The following MAP3K20 variants were observed in gnomAD, a reference collection of about 807,000 sequenced individuals.
The protein encoded by MAP3K20 is mitogen-activated protein kinase kinase kinase 20, also known as HCCS-4.
A neutral mutation model predicts 85.7 loss-of-function variants in MAP3K20; 40 were observed. The observed-to-expected ratio is 0.47, with a 90% CI of 0.36 to 0.61. The LOEUF (loss-of-function observed/expected upper bound fraction) is 0.61. Ranked by LOEUF, MAP3K20 falls within the 20% of genes least tolerant of loss-of-function variation. The pLI is 0.00. For missense variants in MAP3K20, 817 were observed against 961.7 expected (o/e 0.85, Z 1.99); for synonymous variants, 325 against 327.7 (o/e 0.99, Z 0.09).
At chr2:173,221,552 A>T (rs1323522348) in intron 11 of MAP3K20, 6 of 1,486,674 alleles carry the variant, frequency 4.0e-6, no homozygotes. Flanking sequence ...AAAGTAATAA[A>T]ATCACAAATG....
At chr2:173,134,068 T>C (rs2106204152) in intron 2 of MAP3K20, among the ~76,000 whole-genome samples, 1 of 151,790 alleles carries the variant, frequency 6.6e-6, no homozygotes, top group African/African-American at 2.4e-5. Flanking sequence ...GAACCACTGA[T>C]TGACCCTAAC....
chr2:173,189,459 C>T (rs1173620656), intron 5 of MAP3K20, among the ~76,000 whole-genome samples: 1 of 152,166 alleles, frequency 6.6e-6, no homozygotes, highest in African/African-American at 2.4e-5. Flanking sequence ...GACTCATCTC[C>T]TCTTATGCTC....
rs3769170 is a variant in MAP3K20, at chr2:173,192,379, A to G, written c.582+1202A>G. On this transcript the variant is annotated intron_variant, in intron 7 of 19. Transcript: ENST00000375213. ...GTAAATCATAACACATCCTATGTAT[A>G]CCAAATTAATAAAGATTAATTTTGT... is the stretch of plus-strand genomic sequence containing the variant. Among the ~76,000 whole-genome samples, 76 of 152,322 alleles carry G rather than the reference A, an allele frequency of 5.0e-4. 1 individual carries two copies. In the East Asian group the frequency reaches 0.011, roughly 22 times the overall value.
chr2:173,185,951 T>C (rs1690472344), intron 4 of MAP3K20, among the ~76,000 whole-genome samples: 1 of 152,240 alleles, frequency 6.6e-6, no homozygotes, highest in Non-Finnish European at 1.5e-5. Flanking sequence ...AAAGTATTTT[T>C]CAGCCTTCTT....
intron 2 of MAP3K20, among the ~76,000 whole-genome samples, chr2:173,141,363 G>A (rs1286057032): frequency 6.6e-6 from 1 of 152,140 alleles, no homozygotes; most frequent in Non-Finnish European, 1.5e-5. Flanking sequence ...TGAGAGAGCA[G>A]AATCAGTAAT....
At chr2:173,110,623 A>G (rs1687943736) in intron 2 of MAP3K20, among the ~76,000 whole-genome samples, 1 of 151,612 alleles carries the variant, frequency 6.6e-6, no homozygotes, top group South Asian at 2.1e-4. Context: ...ATTCTTATGC[A>G]TTTGCGTCCT....
chr2:173,185,192 G>A (rs1289616307), intron 4 of MAP3K20, among the ~76,000 whole-genome samples: 1 of 152,156 alleles, frequency 6.6e-6, no homozygotes, highest in African/African-American at 2.4e-5. Context: ...GGTGAGCCAA[G>A]ATTGGGCCAT....
At position 173,149,732 on chromosome 2, in the gene MAP3K20, C is replaced by T. The variant is rs970344847; in HGVS notation, c.160-20073C>T. Among the ~76,000 whole-genome samples the T allele has an allele frequency of 1.1e-4, 16 of 152,074 alleles. 1 individual carries two copies. The highest frequency in any genetic ancestry group is 1.3e-4 in the Admixed American group (2 of 15,268). On this transcript the variant is annotated intron_variant, in intron 2 of 19. Transcript: ENST00000375213. Reference sequence around the variant, plus strand: ...CACTGCTTTCTGCCTACGTCATCTCCGCGCATCCTCCCCACAGCCTTTCGA... The same window carrying T: ...CACTGCTTTCTGCCTACGTCATCTCTGCGCATCCTCCCCACAGCCTTTCGA...
chr2:173,166,258 T>C lies in MAP3K20; in HGVS notation c.160-3547T>C, dbSNP rs535046033. On this transcript the variant is annotated intron_variant, in intron 2 of 19. Coordinates refer to ENST00000375213, the MANE Select transcript of MAP3K20 (RefSeq NM_016653.3). The stretch of plus-strand genomic sequence containing the variant: ...AGGCCCATTCATGATGCAGTGCATA[T>C]CCAAACTTAATTCCTATTTACAGCA... Among the ~76,000 whole-genome samples, 11 of 152,366 alleles carry C rather than the reference T, an allele frequency of 7.2e-5. 1 individual carries two copies. The South Asian group carries it at 2.3e-3, about 32-fold the overall frequency.
intron 2 of MAP3K20, among the ~76,000 whole-genome samples, chr2:173,145,041 A>G (rs557813252): frequency 3.1e-4 from 47 of 152,310 alleles, no homozygotes; most frequent in African/African-American, 9.9e-4. Context: ...TATGAAAAAA[A>G]GGGAACCTTG....
intron 1 of MAP3K20, among the ~76,000 whole-genome samples, chr2:173,083,609 C>T (rs911371114): frequency 1.3e-5 from 2 of 152,030 alleles, no homozygotes; most frequent in African/African-American, 4.8e-5. Context: ...CTTGGTGTTA[C>T]GGACAAATAC....
At chr2:173,090,835 G>T in intron 1 of MAP3K20, 163 bp from the exon 2 acceptor site, 1 of 1,285,864 alleles carries the variant, frequency 7.8e-7, no homozygotes, top group Non-Finnish European at 9.8e-7. Flanking sequence ...GCCAGGGTGA[G>T]TGTTTTCGAA....
chr2:173,105,886 C>T (rs972065756), intron 2 of MAP3K20, among the ~76,000 whole-genome samples: 12 of 152,072 alleles, frequency 7.9e-5, no homozygotes, highest in Non-Finnish European at 1.6e-4. Context: ...GAATTATGCA[C>T]TTAAAATGGT....
chr2:173,194,126 A>T (rs1200193040), intron 7 of MAP3K20, among the ~76,000 whole-genome samples: 9 of 152,204 alleles, frequency 5.9e-5, no homozygotes, highest in Non-Finnish European at 8.8e-5. Context: ...CTGCTGTGTG[A>T]GTCTTGAAGA....
At chr2:173,229,252 A>G (rs1684461815) in intron 11 of MAP3K20, among the ~76,000 whole-genome samples, 1 of 152,216 alleles carries the variant, frequency 6.6e-6, no homozygotes, top group Non-Finnish European at 1.5e-5. Context: ...AGATCTTTCA[A>G]CACTTAGAAA....
intron 10 of MAP3K20, chr2:173,210,161 G>C (rs1409147454): frequency 3.7e-6 from 1 of 268,964 alleles, no homozygotes; most frequent in Non-Finnish European, 7.3e-6. Flanking sequence ...AGACCACCTT[G>C]ACCAACATGG....
chr2:173,261,448 C>T (rs1312989680), intron 18 of MAP3K20, among the ~76,000 whole-genome samples: 1 of 152,120 alleles, frequency 6.6e-6, no homozygotes, highest in Non-Finnish European at 1.5e-5. Flanking sequence ...ATAGTTAATA[C>T]TAATTTTTTT....
Position 173,225,608 on chromosome 2 carries a change from A to AAAT in MAP3K20, c.988-4081_988-4080insAAT, listed in dbSNP as rs1553588787. ...GACTTCATCTCAAAAAAAAAAAAAA[A>AAAT]CAAAAAAAAACAACCCGGTAGCATT... On this transcript the variant is annotated intron_variant, in intron 11 of 19. Coordinates refer to ENST00000375213, the MANE Select transcript of MAP3K20 (RefSeq NM_016653.3). 2 of 879,870 alleles carry AAAT rather than the reference A, an allele frequency of 2.3e-6. 1 individual carries two copies. Among genetic ancestry groups the AAAT allele is most frequent in the South Asian group, 1.0e-4 (2 of 19,104 alleles). 54.5% of individuals were successfully genotyped at this position (879,870 alleles called of 1,614,324 possible). A position where few individuals can be genotyped will look rare whatever the true frequency, so the allele number is the denominator to read the frequency against.
At chr2:173,092,723 G>T (rs1249249673) in intron 2 of MAP3K20, among the ~76,000 whole-genome samples, 2 of 152,122 alleles carry the variant, frequency 1.3e-5, no homozygotes, top group Non-Finnish European at 2.9e-5. Context: ...ATGTGAAAAA[G>T]ATTTTATGAG....
Sources: allele counts gnomAD v4.1 joint callset (sites outside exome capture counted in the v4.1 genomes callset), GRCh38; gene constraint gnomAD v4.1.1; transcripts MANE v1.5; gene names NCBI Gene and HGNC (gene_info 2026-07-23, HGNC 2026-07-21).